ANK3: variants seen among roughly 807,000 people sequenced by gnomAD.
ANK3 encodes ankyrin-3.
In ANK3, 57 loss-of-function variants were observed where a neutral mutation model predicts 370.9. The ratio of observed to expected loss-of-function variants is 0.15; its 90% CI spans 0.12 to 0.19. ANK3 has a LOEUF of 0.19. Ranked by LOEUF, ANK3 falls within the 10% of genes least tolerant of loss-of-function variation. The probability of loss-of-function intolerance (pLI) is 1.00; values close to 1 mark genes in which losing one functional copy is unlikely to be tolerated. For synonymous variants in ANK3, 1,929 were observed against 1,946.3 expected, an observed-to-expected ratio of 0.99 and a Z score of 0.23; for missense variants, 4,439 against 5,302.1, an observed-to-expected ratio of 0.84 and a Z score of 5.06.
chr10:60,420,149 G>A (rs944611571), intron 2 of ANK3, among the ~76,000 whole-genome samples: 2 of 152,106 alleles, frequency 1.3e-5, no homozygotes, highest in African/African-American at 4.8e-5. Context: ...CCATAGGGAA[G>A]ACCTAGTGAG....
intron 25 of ANK3, among the ~76,000 whole-genome samples, chr10:60,129,438 T>A (rs1192295517): frequency 3.3e-5 from 5 of 152,114 alleles, no homozygotes; most frequent in Non-Finnish European, 5.9e-5. Context: ...AATCAGGAAC[T>A]GAGCAATCGT....
At chr10:60,395,576 C>CTTTTCTTTCTTTCT in intron 2 of ANK3, among the ~76,000 whole-genome samples, 5 of 124,226 alleles carry the variant, frequency 4.0e-5, no homozygotes, top group African/African-American at 1.6e-4. Flanking sequence ...TTCTTTCTTT[C>CTTTTCTTTCTTTCT]TTTCTTTCTT....
intron 42 of ANK3, chr10:60,044,021 A>C (rs1018184439): frequency 1.0e-6 from 1 of 985,838 alleles, no homozygotes; most frequent in Non-Finnish European, 1.2e-6. Context: ...ATTTCTAGGG[A>C]GTGCACAAAG....
chr10:60,545,543 A>G (rs2076944902), intron 2 of ANK3, among the ~76,000 whole-genome samples: 1 of 152,164 alleles, frequency 6.6e-6, no homozygotes, highest in South Asian at 2.1e-4. Flanking sequence ...AAAAAATTCT[A>G]GAAGCCTTCA....
At chr10:60,223,218 T>C (rs1250489673) in intron 8 of ANK3, among the ~76,000 whole-genome samples, 1 of 152,230 alleles carries the variant, frequency 6.6e-6, no homozygotes, top group Non-Finnish European at 1.5e-5. Context: ...CCTTTGGCAA[T>C]AATCTTGTCA....
At chr10:60,352,084 T>C (rs1304323411) in intron 1 of ANK3, among the ~76,000 whole-genome samples, 1 of 152,016 alleles carries the variant, frequency 6.6e-6, no homozygotes, top group African/African-American at 2.4e-5. Flanking sequence ...ACACCTGAAG[T>C]TGGGAGTTCG....
intron 1 of ANK3, among the ~76,000 whole-genome samples, chr10:60,298,731 T>C (rs1297976002): frequency 6.6e-6 from 1 of 152,206 alleles, no homozygotes; most frequent in Non-Finnish European, 1.5e-5. Context: ...CAAGATGGTC[T>C]ACTTTTATTT....
At chr10:60,305,764 C>CAGCAGCAAAGAT (rs2044897080) in intron 1 of ANK3, among the ~76,000 whole-genome samples, 1 of 152,164 alleles carries the variant, frequency 6.6e-6, no homozygotes, top group South Asian at 2.1e-4. Flanking sequence ...AAACTACTGT[C>CAGCAGCAAAGAT]ACTCATCTCA....
chr10:60,085,008 T>C (rs2086298259), intron 31 of ANK3, 149 bp downstream of exon 31: 3 of 774,776 alleles, frequency 3.9e-6, no homozygotes, highest in Non-Finnish European at 6.0e-6. Flanking sequence ...ACCCTCTGTT[T>C]GTTATTTGAG....
At chr10:60,589,513 C>T (rs1477814164) in intron 2 of ANK3, among the ~76,000 whole-genome samples, 2 of 152,252 alleles carry the variant, frequency 1.3e-5, no homozygotes, top group South Asian at 2.1e-4. Flanking sequence ...CAAGGTAGCA[C>T]GTTGACTTGG....
At chr10:60,542,305 T>C (rs753884417) in intron 2 of ANK3, among the ~76,000 whole-genome samples, 1 of 151,892 alleles carries the variant, frequency 6.6e-6, no homozygotes, top group Non-Finnish European at 1.5e-5. Flanking sequence ...ACAGTTACAA[T>C]AGCAGAAATT....
At chr10:60,408,888 A>G (rs1567016653) in intron 2 of ANK3, among the ~76,000 whole-genome samples, 1 of 152,098 alleles carries the variant, frequency 6.6e-6, no homozygotes, top group Non-Finnish European at 1.5e-5. Flanking sequence ...CTGAGTAAAG[A>G]TGTGGTTCTG....
At chr10:60,655,044 G>C (rs1361736434) in intron 1 of ANK3, among the ~76,000 whole-genome samples, 1 of 151,972 alleles carries the variant, frequency 6.6e-6, no homozygotes, top group African/African-American at 2.4e-5. Context: ...TGGTAAGACT[G>C]GTGTAAACAA....
chr10:60,327,924 A>T (rs2050278424), intron 1 of ANK3, among the ~76,000 whole-genome samples: 1 of 152,018 alleles, frequency 6.6e-6, no homozygotes, highest in Admixed American at 6.6e-5. Flanking sequence ...AAAATGATTT[A>T]TTTTTAGAAA....
chr10:60,698,897 T>TATAACA (rs369983095), intron 1 of ANK3, among the ~76,000 whole-genome samples: 1 of 145,888 alleles, frequency 6.9e-6, no homozygotes, highest in Non-Finnish European at 1.5e-5. Flanking sequence ...AAACTTAAAG[T>TATAACA]ATAATAATAA....
At chr10:60,130,613 T>C (rs915924408) in intron 25 of ANK3, among the ~76,000 whole-genome samples, 1 of 152,198 alleles carries the variant, frequency 6.6e-6, no homozygotes, top group Non-Finnish European at 1.5e-5. Flanking sequence ...AAATACAAAA[T>C]TAGAGAAATG....
chr10:60,400,694 A>C (rs551752336), intron 2 of ANK3, among the ~76,000 whole-genome samples: 1 of 152,258 alleles, frequency 6.6e-6, no homozygotes, highest in South Asian at 2.1e-4. Context: ...CATATCTTGA[A>C]TTATATTTTA....
At chr10:60,651,511 G>T (rs1287456741) in intron 1 of ANK3, among the ~76,000 whole-genome samples, 1 of 152,178 alleles carries the variant, frequency 6.6e-6, no homozygotes, top group Non-Finnish European at 1.5e-5. Context: ...AAATGCAAAT[G>T]AACTTCATGT....
In ANK3 at chr10:60,071,832, C is replaced by G. The variant is rs769086951; in HGVS notation, c.9049G>C (p.Val3017Leu). 1 of 1,612,824 alleles carries G rather than the reference C, an allele frequency of 6.2e-7. No homozygotes were observed. Among genetic ancestry groups the G allele is most frequent in the Non-Finnish European group, 8.5e-7 (1 of 1,179,376 alleles). Residue 3017 changes from valine (V) to leucine (L), a missense_variant, in exon 37 of 44, where the codon GTT (valine) becomes CTT (leucine). Physicochemically the swap from Val to Leu is conservative, Grantham distance 32 (BLOSUM62 1). This residue lies in a region of ANK3 where 1,601 missense variants were observed against 1,731.7 expected (regional missense o/e 0.92). Transcript: ENST00000280772. ...ACTTTGCTGATTTCTGAATAGGTAA[C>G]TTTTTCATCTTCTATAGAATTAAAG... ...QHFNSIEDEKVTYSEISKVSK... is the reference protein window; with the variant it reads ...QHFNSIEDEKLTYSEISKVSK...
Sources: allele counts gnomAD v4.1 joint callset (sites outside exome capture counted in the v4.1 genomes callset), GRCh38; gene constraint gnomAD v4.1.1; regional missense constraint gnomAD v4.1.1; transcripts MANE v1.5; gene names NCBI Gene and HGNC (gene_info 2026-07-23, HGNC 2026-07-21).